ECE2: variants seen among roughly 807,000 people sequenced by gnomAD.
The protein encoded by ECE2 is endothelin converting enzyme 2, also known as endothelin-converting enzyme 2.
ECE2 carries 81 observed loss-of-function variants against 100.6 expected under a neutral mutation model. The ratio of observed to expected loss-of-function variants is 0.81; its 90% CI spans 0.67 to 0.97. The LOEUF is 0.97. Ranked by LOEUF, ECE2 falls within the 50% of genes least tolerant of loss-of-function variation. The pLI, the probability that ECE2 is intolerant of heterozygous loss-of-function variation, is 0.00. For missense variants in ECE2, 911 were observed against 988.1 expected, an observed-to-expected ratio of 0.92 and a Z score of 1.05; for synonymous variants, 391 against 391.5, an observed-to-expected ratio of 1.00 and a Z score of 0.02.
In ECE2 at chr3:184,287,911, C is replaced by T. The variant is rs1433122404; in HGVS notation, c.1338C>T (p.Phe446=). 10 of 1,614,060 alleles carry T rather than the reference C, an allele frequency of 6.2e-6. No individual in the cohort carries two copies. Among genetic ancestry groups the T allele is most frequent in the Middle Eastern group, 1.6e-4 (1 of 6,084 alleles). ...TTGGCTTTGCTTTGGGGTCCCTCTTCGTGAAGGCCACGTTTGACCGGCAAA... is the reference window on the plus strand; with the variant it reads ...TTGGCTTTGCTTTGGGGTCCCTCTTTGTGAAGGCCACGTTTGACCGGCAAA... The part of the protein sequence containing the change: ...DALGFALGSL[F]VKATFDRQSK... The change falls in exon 11 of 19, where the codon TTC becomes TTT. Residue 446 remains phenylalanine, a synonymous_variant. Coordinates refer to ENST00000404464, the MANE Select transcript of ECE2 (RefSeq NM_001100121.2).
chr3:184,291,853 C>T lies in ECE2; in HGVS notation c.2122-209C>T, dbSNP rs1721339645. On this transcript the variant is annotated intron_variant, in intron 18 of 18. Transcript: ENST00000404464. The surrounding 1 kb of genome is among the most constrained non-coding windows in gnomAD (Gnocchi z 4.1). ...AGCAAGGACCCAGGCAGAGCCTCCG[C>T]TGGGCAGCCACAGCAGGCAGCTTCT... 1.7e-6 allele frequency: 1 copy of T among 598,128 alleles called. No individual in the cohort carries two copies. The highest frequency in any genetic ancestry group is 2.9e-6 in the Non-Finnish European group (1 of 344,996). The allele number at this position is 598,128 out of a possible 1,614,324, so 37.1% of individuals were successfully genotyped here. A position where few individuals can be genotyped will look rare whatever the true frequency, so the allele number is the denominator to read the frequency against.
chr3:184,283,339 T>A (rs370604611), intron 7 of ECE2, among the ~76,000 whole-genome samples: 1 of 151,840 alleles, frequency 6.6e-6, no homozygotes. Context: ...GGCGGGCAGA[T>A]CACCTGAGGT....
At position 184,276,034 on chromosome 3, in the gene ECE2, G is replaced by A; in HGVS notation, c.-120G>A. On this transcript the variant is annotated 5_prime_UTR_variant, in exon 1 of 19. Transcript: ENST00000404464. ...GGGGGGGGCGGCCGCGGCCGAGCGGGGGTGCTGCGCGGCGGCCGTGATGGC... is the reference window on the plus strand; with the variant it reads ...GGGGGGGGCGGCCGCGGCCGAGCGGAGGTGCTGCGCGGCGGCCGTGATGGC... The A allele has an allele frequency of 1.8e-6, 2 of 1,107,732 alleles. No individual in the cohort carries two copies. The highest frequency in any genetic ancestry group is 1.1e-6 in the Non-Finnish European group (1 of 907,866). 68.6% of individuals were successfully genotyped at this position (1,107,732 alleles called of 1,614,324 possible). A position where few individuals can be genotyped will look rare whatever the true frequency, so the allele number is the denominator to read the frequency against.
At chr3:184,288,695 A>G (rs566027697) in intron 11 of ECE2, among the ~76,000 whole-genome samples, 24 of 152,350 alleles carry the variant, frequency 1.6e-4, no homozygotes, top group Admixed American at 2.6e-4. Context: ...CCTATACAAC[A>G]TAATTCCATA....
In ECE2 at chr3:184,278,182, A is replaced by C; in HGVS notation, c.619A>C (p.Ile207Leu). The change falls in exon 6 of 19, where the codon ATT becomes CTT. Residue 207 changes from isoleucine to leucine, a missense_variant. Coordinates refer to ENST00000404464, the MANE Select transcript of ECE2 (RefSeq NM_001100121.2). ...DLIEKIGGWNITGPWDQDNFM... is the reference protein window; with the variant it reads ...DLIEKIGGWNLTGPWDQDNFM... ...CTCTACATAGATTGGTGGTTGGAAC[A>C]TTACGGGGCCCTGGGACCAGGACAA... 1 of 1,614,188 alleles carries C rather than the reference A, an allele frequency of 6.2e-7. No individual in the cohort carries two copies.
At chr3:184,277,806 G>C (rs552517541) in intron 4 of ECE2, 119 bp from the exon 5 acceptor site, 3 of 1,465,226 alleles carry the variant, frequency 2.0e-6, no homozygotes, top group South Asian at 2.6e-5. Context: ...CACTCTTCCT[G>C]GGTCTGCGTT....
chr3:184,280,417 G>T (rs924093999), intron 7 of ECE2, among the ~76,000 whole-genome samples: 4 of 152,164 alleles, frequency 2.6e-5, no homozygotes, highest in African/African-American at 4.8e-5. Context: ...TGTGGGAGCT[G>T]CTCCTTTTAG....
chr3:184,285,525 C>G lies in ECE2; in HGVS notation c.1196C>G (p.Ser399Ter). The G allele has an allele frequency of 6.2e-7, 1 of 1,614,188 alleles. No homozygotes were observed. Among genetic ancestry groups the G allele is most frequent in the Non-Finnish European group, 8.5e-7 (1 of 1,180,038 alleles). ...LIWNLVQKTT[S>*]SLDRRFESAQ... ...TGGAACCTGGTGCAAAAGACAACCT[C>G]AAGCCTGGACCGACGCTTTGAGTCT... Residue 399 changes from serine to a stop codon, truncating the protein, a stop_gained, in exon 10 of 19, where the codon TCA becomes TGA. Coordinates refer to ENST00000404464, the MANE Select transcript of ECE2 (RefSeq NM_001100121.2). LOFTEE classifies it high-confidence loss of function.
chr3:184,276,335 C>G (rs1720546641), intron 1 of ECE2, 143 bp downstream of exon 1: 1 of 1,391,942 alleles, frequency 7.2e-7, no homozygotes, highest in South Asian at 1.4e-5. Context: ...ATAGAGAGAC[C>G]CCGGGCCCGA....
At chr3:184,286,797 A>C (rs1477411542) in intron 10 of ECE2, among the ~76,000 whole-genome samples, 3 of 16,206 alleles carry the variant, frequency 1.9e-4, no homozygotes, top group South Asian at 1.7e-3. Context: ...AACTCTGTTT[A>C]AAAAAAAAAA....
In ECE2 at chr3:184,290,794, G is replaced by A; in HGVS notation, c.1768G>A (p.Ala590Thr). 1 of 1,614,160 alleles carries A rather than the reference G, an allele frequency of 6.2e-7. No individual in the cohort carries two copies. The highest frequency in any genetic ancestry group is 8.5e-7 in the Non-Finnish European group (1 of 1,180,026). Residue 590 changes from alanine (A) to threonine (T), a missense_variant and splice_region_variant, in exon 16 of 19, where the codon GCC becomes ACC. By Grantham distance (58) the Ala-to-Thr change is moderately conservative. Coordinates refer to ENST00000404464, the MANE Select transcript of ECE2 (RefSeq NM_001100121.2). The stretch of plus-strand genomic sequence containing the variant: ...CACTTGCTATTCCTCACCCACCAGG[G>A]CCCTGAACTTCGGTGGCATCGGTGT... Reference protein sequence around the residue: ...APFYARNHPKALNFGGIGVVM... With the variant: ...APFYARNHPKTLNFGGIGVVM...
chr3:184,287,333 G>A (rs1180382078), intron 10 of ECE2, among the ~76,000 whole-genome samples: 1 of 152,086 alleles, frequency 6.6e-6, no homozygotes, highest in East Asian at 1.9e-4. Flanking sequence ...GAATGTGGGG[G>A]GTTAGGGAGA....
In ECE2 at chr3:184,292,129, C is replaced by A. The variant is rs781722651; in HGVS notation, c.2189C>A (p.Ala730Asp). The A allele has an allele frequency of 6.2e-7, 1 of 1,614,034 alleles. No homozygotes were observed. Among genetic ancestry groups the A allele is most frequent in the Non-Finnish European group, 8.5e-7 (1 of 1,180,030 alleles). Residue 730 changes from alanine to aspartate, a missense_variant, in exon 19 of 19, where the codon GCC (alanine) becomes GAC (aspartate). Transcript: ENST00000404464. ...CTGGTGACCGACCCCCACAGCCCTG[C>A]CCGCTTCCGCGTGCTGGGCACTCTC... Reference protein sequence around the residue: ...EGLVTDPHSPARFRVLGTLSN... With the variant: ...EGLVTDPHSPDRFRVLGTLSN...
At chr3:184,288,082 G>T in intron 11 of ECE2, 135 bp downstream of exon 11, 1 of 710,854 alleles carries the variant, frequency 1.4e-6, no homozygotes, top group South Asian at 1.7e-5. Context: ...AGGCCAAGGC[G>T]GGTGAATCAT....
rs2108432099 is a variant in ECE2, at chr3:184,289,482, C to T, written c.1420C>T (p.Leu474=). ...SEIRTAFEEA[L]GQLVWMDEKT... Reference sequence around the variant, plus strand: ...AATCCGGACCGCATTTGAGGAGGCCCTGGGACAGCTGGTTTGGATGGATGA... The same window carrying T: ...AATCCGGACCGCATTTGAGGAGGCCTTGGGACAGCTGGTTTGGATGGATGA... The change falls in exon 12 of 19, where the codon CTG becomes TTG. Residue 474 remains leucine (L), a synonymous_variant. Coordinates refer to ENST00000404464, the MANE Select transcript of ECE2 (RefSeq NM_001100121.2). The surrounding 1 kb of genome is among the most constrained non-coding windows in gnomAD (Gnocchi z 4.1). The T allele has an allele frequency of 6.2e-7, 1 of 1,612,170 alleles. No individual in the cohort carries two copies. Among genetic ancestry groups the T allele is most frequent in the Admixed American group, 1.7e-5 (1 of 59,722 alleles).
rs1721232227 is a variant in ECE2 at position 184,289,860 on chromosome 3, A to AAAAT, written c.1551+143_1551+146dup. 1.4e-6 allele frequency: 1 copy of AAAAT among 738,836 alleles called. No homozygotes were observed. The highest frequency in any genetic ancestry group is 2.1e-6 in the Non-Finnish European group (1 of 467,164). The allele number at this position is 738,836 out of a possible 1,614,324, so 45.8% of individuals were successfully genotyped here. ...GCAGATGGAGGTAACCAGCATTGTT[A>AAAAT]AAATGTTGGCTCTGTGACAGGCTGC... On this transcript the variant is annotated intron_variant, in intron 13 of 18. Transcript: ENST00000404464. The surrounding 1 kb of genome is among the most constrained non-coding windows in gnomAD (Gnocchi z 4.1).
At chr3:184,280,926 C>CT (rs1213967283) in intron 7 of ECE2, among the ~76,000 whole-genome samples, 1 of 151,200 alleles carries the variant, frequency 6.6e-6, no homozygotes, top group Non-Finnish European at 1.5e-5. Flanking sequence ...TTGCAGTGAG[C>CT]TGAGATGGCA....
At chr3:184,279,113 C>T (rs1390202361) in intron 7 of ECE2, among the ~76,000 whole-genome samples, 1 of 151,876 alleles carries the variant, frequency 6.6e-6, no homozygotes, top group Non-Finnish European at 1.5e-5. Flanking sequence ...AGTTCGAGAC[C>T]AGGCTGACCA....
At chr3:184,288,230 A>C (rs1489473313) in intron 11 of ECE2, among the ~76,000 whole-genome samples, 1 of 148,652 alleles carries the variant, frequency 6.7e-6, no homozygotes, top group African/African-American at 2.5e-5. Flanking sequence ...GAATCACTTG[A>C]ACCCAGGAGG....
Sources: gnomAD v4.1 joint callset for allele counts (sites outside exome capture counted in the v4.1 genomes callset) on GRCh38, gnomAD v4.1.1 for gene constraint, Gnocchi (gnomAD v3.1) non-coding constraint, MANE v1.5 for transcripts, NCBI Gene and HGNC (gene_info 2026-07-23, HGNC 2026-07-21) for gene names.